Variants in AFF1 observed in about 807,000 individuals in gnomAD.
The protein encoded by AFF1 is AF4/FMR2 family member 1.
AFF1 carries 48 observed loss-of-function variants against 121.7 expected under a neutral mutation model. The ratio of observed to expected loss-of-function variants is 0.39; its 90% confidence interval spans 0.31 to 0.50. The LOEUF (loss-of-function observed/expected upper bound fraction) is 0.50. Ranked by LOEUF, AFF1 falls within the 20% of genes least tolerant of loss-of-function variation. AFF1 has a pLI of 0.76. For missense variants in AFF1, 1,523 were observed against 1,511.7 expected (o/e 1.01, Z -0.12); for synonymous variants, 613 against 563.0 (o/e 1.09, Z -1.26).
intron 4 of AFF1, among the ~76,000 whole-genome samples, chr4:87,079,623 T>A (rs1351301615): frequency 6.6e-6 from 1 of 152,238 alleles, no homozygotes; most frequent in African/African-American, 2.4e-5. Flanking sequence ...AGAAAACTGG[T>A]ATAACAGTAT....
intron 4 of AFF1, among the ~76,000 whole-genome samples, chr4:87,073,607 A>C (rs1722354314): frequency 6.6e-6 from 1 of 152,190 alleles, no homozygotes; most frequent in African/African-American, 2.4e-5. Flanking sequence ...CCCAGGATAA[A>C]ATCTTTATGT....
chr4:86,967,195 G>A (rs141280018), intron 2 of AFF1, among the ~76,000 whole-genome samples: 29 of 152,282 alleles, frequency 1.9e-4, no homozygotes, highest in African/African-American at 6.7e-4. Context: ...AAGACTTCTT[G>A]GAAGAGGCAG....
intron 2 of AFF1, among the ~76,000 whole-genome samples, chr4:86,977,653 G>A (rs1560512984): frequency 6.6e-6 from 1 of 152,084 alleles, no homozygotes; most frequent in Non-Finnish European, 1.5e-5. Flanking sequence ...GTATTTTATA[G>A]TCTGTGTTTC....
chr4:86,985,183 A>G (rs1220540677), intron 2 of AFF1, among the ~76,000 whole-genome samples: 1 of 19,302 alleles, frequency 5.2e-5, no homozygotes, highest in Non-Finnish European at 1.8e-4. Flanking sequence ...ATGTATTACT[A>G]TATATATATA....
Position 87,135,830 on chromosome 4 carries a change from A to T in AFF1, c.*129A>T. The T allele has an allele frequency of 1.5e-6, 2 of 1,333,842 alleles. No homozygotes were observed. Among genetic ancestry groups the T allele is most frequent in the Non-Finnish European group, 2.0e-6 (2 of 1,009,450 alleles). The allele number at this position is 1,333,842 out of a possible 1,614,324, so 82.6% of individuals were successfully genotyped here. A position where few individuals can be genotyped will look rare whatever the true frequency, so the allele number is the denominator to read the frequency against. The stretch of plus-strand genomic sequence containing the variant: ...AGAAGCACCACGAGATGGCCAGGAC[A>T]TTTGTCCACTTAAACTCTCAACAAC... On this transcript the variant is annotated 3_prime_UTR_variant, in exon 21 of 21. Transcript: ENST00000395146.
chr4:86,985,780 A>G (rs1464320919), intron 2 of AFF1, among the ~76,000 whole-genome samples: 1 of 152,118 alleles, frequency 6.6e-6, no homozygotes, highest in African/African-American at 2.4e-5. Flanking sequence ...AAATAATAAT[A>G]AAAGAATCAA....
intron 2 of AFF1, among the ~76,000 whole-genome samples, chr4:87,031,851 ACT>A (rs111982334): frequency 0.043 from 6,520 of 152,226 alleles, 443 homozygotes; most frequent in African/African-American, 0.15. Context: ...ATTATTAAGG[ACT>A]CTAAAAATTC....
At chr4:87,088,998 G>T (rs541498248) in intron 5 of AFF1, among the ~76,000 whole-genome samples, 2 of 152,168 alleles carry the variant, frequency 1.3e-5, no homozygotes, top group South Asian at 4.2e-4. Context: ...ACCTGCCTTG[G>T]CCTCCAAAAG....
intron 2 of AFF1, among the ~76,000 whole-genome samples, chr4:86,991,230 A>G (rs1303627064): frequency 6.6e-6 from 1 of 152,056 alleles, no homozygotes; most frequent in African/African-American, 2.4e-5. Context: ...GGATCACGAG[A>G]TCAGGAAATG....
intron 2 of AFF1, among the ~76,000 whole-genome samples, chr4:87,041,437 C>G (rs904050050): frequency 6.6e-6 from 1 of 152,126 alleles, no homozygotes; most frequent in African/African-American, 2.4e-5. Flanking sequence ...ACATACAAGC[C>G]TTGGGGCCCA....
chr4:86,943,635 G>A (rs963160287), intron 1 of AFF1, among the ~76,000 whole-genome samples: 2 of 152,048 alleles, frequency 1.3e-5, no homozygotes, highest in African/African-American at 2.4e-5. Flanking sequence ...GACCAGCCTG[G>A]GCAACATGGC....
chr4:86,989,045 A>G (rs1724505632), intron 2 of AFF1, among the ~76,000 whole-genome samples: 1 of 152,232 alleles, frequency 6.6e-6, no homozygotes, highest in Admixed American at 6.5e-5. Flanking sequence ...CTCAAGATGG[A>G]TTAAAGACTT....
At chr4:87,085,771 CAG>C (rs1723665342) in intron 5 of AFF1, among the ~76,000 whole-genome samples, 1 of 140,332 alleles carries the variant, frequency 7.1e-6, no homozygotes, top group Non-Finnish European at 1.5e-5. Flanking sequence ...TTTTTTGAGA[CAG>C]AGTCTCTCTC....
At chr4:86,995,641 TGGTGTGATCTC>T (rs1447192702) in intron 2 of AFF1, among the ~76,000 whole-genome samples, 3 of 150,806 alleles carry the variant, frequency 2.0e-5, no homozygotes, top group Non-Finnish European at 4.5e-5. Context: ...TGGAGTGCAG[TGGTGTGATCTC>T]GGCTCGCTAC....
intron 4 of AFF1, among the ~76,000 whole-genome samples, chr4:87,059,704 G>A (rs1560584677): frequency 6.6e-6 from 1 of 152,200 alleles, no homozygotes. Context: ...TTGAGTTCTG[G>A]CCCTGCTGCT....
At chr4:86,988,318 C>G (rs745720463) in intron 2 of AFF1, among the ~76,000 whole-genome samples, 1 of 152,168 alleles carries the variant, frequency 6.6e-6, no homozygotes, top group Non-Finnish European at 1.5e-5. Context: ...ACCAACCTCT[C>G]TCCATACCCC....
chr4:86,946,176 C>T (rs1720842430), intron 1 of AFF1, among the ~76,000 whole-genome samples: 1 of 152,100 alleles, frequency 6.6e-6, no homozygotes, highest in South Asian at 2.1e-4. Context: ...TTGCTCCTCA[C>T]TTTAAGTCTT....
At position 87,129,694 on chromosome 4, in the gene AFF1, TA is replaced by T. The variant is rs547657047; in HGVS notation, c.2965-1383del. ...TTTTTGATTAAGTTACCTTTTAAAA[TA>T]AAAAATGTTAGAATAATTGAATATT... On this transcript the variant is annotated intron_variant, in intron 16 of 20. Transcript: ENST00000395146. Among the ~76,000 whole-genome samples, 121 of 152,310 alleles carry T rather than the reference TA, an allele frequency of 7.9e-4. 6 individuals carry two copies. The South Asian group carries it at 0.024, about 30-fold the overall frequency.
intron 2 of AFF1, among the ~76,000 whole-genome samples, chr4:86,966,972 A>G (rs1722582784): frequency 6.6e-6 from 1 of 152,124 alleles, no homozygotes; most frequent in South Asian, 2.1e-4. Flanking sequence ...CTGTCCTTCT[A>G]CCAACCTTGG....
Sources: allele counts gnomAD v4.1 joint callset (sites outside exome capture counted in the v4.1 genomes callset), GRCh38; gene constraint gnomAD v4.1.1; transcripts MANE v1.5; gene names NCBI Gene and HGNC (gene_info 2026-07-23, HGNC 2026-07-21).